The following GNG4 variants were observed in gnomAD, a reference collection of about 807,000 sequenced individuals.
GNG4 encodes guanine nucleotide-binding protein G(I)/G(S)/G(O) subunit gamma-4.
Under a neutral mutation model 5.8 loss-of-function variants are expected in GNG4, and 4 were observed. The ratio of observed to expected loss-of-function variants is 0.69; its 90% CI spans 0.34 to 1.57. The LOEUF (loss-of-function observed/expected upper bound fraction) is 1.57. Ranked by LOEUF, GNG4 falls within the 40% of genes most tolerant of loss-of-function variation. GNG4 has a pLI of 0.06. For missense variants in GNG4, 96 were observed against 95.1 expected (o/e 1.01, Z -0.04); for synonymous variants, 29 against 32.9 (o/e 0.88, Z 0.41).
At chr1:235,567,033 C>T (rs555511084) in intron 3 of GNG4, 13 of 152,084 alleles carry the variant, frequency 8.5e-5, no homozygotes, top group African/African-American at 3.1e-4. Context: ...CCTCTGTCTT[C>T]TGGGCTCAAG....
chr1:235,587,232 T>G (rs75699574), intron 2 of GNG4, among the ~76,000 whole-genome samples: 38 of 32,914 alleles, frequency 1.2e-3, no homozygotes, highest in East Asian at 4.3e-3. Context: ...TGAGTGTGAG[T>G]GTGTGAGGTG....
chr1:235,566,182 T>C (rs1464746327), intron 3 of GNG4: 1 of 152,098 alleles, frequency 6.6e-6, no homozygotes, highest in Non-Finnish European at 1.5e-5. Flanking sequence ...AAATCGTGAG[T>C]GTTCTGTCTT....
intron 1 of GNG4, among the ~76,000 whole-genome samples, chr1:235,602,823 G>C (rs902068572): frequency 6.6e-6 from 1 of 152,208 alleles, no homozygotes; most frequent in Admixed American, 6.5e-5. Flanking sequence ...TTCATCGTGA[G>C]CATTAAGATT....
At chr1:235,618,631 T>C (rs1273888435) in intron 1 of GNG4, among the ~76,000 whole-genome samples, 5 of 152,004 alleles carry the variant, frequency 3.3e-5, no homozygotes, top group African/African-American at 9.7e-5. Flanking sequence ...TACTGCTTCA[T>C]TGCCATTGCC....
At chr1:235,590,994 G>A (rs1687947482) in intron 2 of GNG4, among the ~76,000 whole-genome samples, 1 of 152,188 alleles carries the variant, frequency 6.6e-6, no homozygotes, top group South Asian at 2.1e-4. Flanking sequence ...TAGGGGCCGA[G>A]ATCCTGCGCT....
At chr1:235,555,679 T>TAAAA (rs59029355) in intron 3 of GNG4, among the ~76,000 whole-genome samples, 1 of 127,446 alleles carries the variant, frequency 7.8e-6, no homozygotes, top group Non-Finnish European at 1.6e-5. Context: ...ACCCTGTCTC[T>TAAAA]AAAAAAAAAA....
intron 2 of GNG4, among the ~76,000 whole-genome samples, chr1:235,584,172 C>T (rs867350270): frequency 6.6e-6 from 1 of 152,222 alleles, no homozygotes; most frequent in Non-Finnish European, 1.5e-5. Flanking sequence ...CTTGGACATT[C>T]GTATAGTGCT....
At chr1:235,583,168 G>A (rs1387029780) in intron 3 of GNG4, among the ~76,000 whole-genome samples, 1 of 152,162 alleles carries the variant, frequency 6.6e-6, no homozygotes, top group Non-Finnish European at 1.5e-5. Context: ...CACATGCTTT[G>A]CCTGGCCTTC....
intron 1 of GNG4, among the ~76,000 whole-genome samples, chr1:235,624,017 G>A (rs978161967): frequency 6.6e-6 from 1 of 152,172 alleles, no homozygotes; most frequent in Non-Finnish European, 1.5e-5. Context: ...CCTGGCCAGA[G>A]TACAGGTGAA....
At chr1:235,569,617 T>A (rs1200379011) in intron 3 of GNG4, among the ~76,000 whole-genome samples, 3 of 151,948 alleles carry the variant, frequency 2.0e-5, no homozygotes, top group African/African-American at 7.2e-5. Flanking sequence ...AGATTCCTCA[T>A]GACCTCTTTC....
intron 2 of GNG4, among the ~76,000 whole-genome samples, chr1:235,594,473 T>C (rs1236211658): frequency 3.3e-5 from 5 of 152,112 alleles, no homozygotes; most frequent in Non-Finnish European, 5.9e-5. Context: ...CTGGGTGCCA[T>C]GGAGCAGGGG....
At chr1:235,560,367 G>A (rs1331365579) in intron 3 of GNG4, among the ~76,000 whole-genome samples, 1 of 152,070 alleles carries the variant, frequency 6.6e-6, no homozygotes, top group Admixed American at 6.6e-5. Context: ...TAAAAGGATG[G>A]GTTTGGCCCC....
chr1:235,626,958 CAAAAAAAAAAAAAAAAAAAAAAA>C (rs776506587), intron 1 of GNG4, among the ~76,000 whole-genome samples: 20 of 77,396 alleles, frequency 2.6e-4, no homozygotes, highest in Middle Eastern at 6.6e-3. Flanking sequence ...GACTCTATCT[CAAAAAAAAAAAAAAAAAAAAAAA>C]AAAAAAAAAA....
chr1:235,630,253 T>C (rs1035019352), intron 1 of GNG4, among the ~76,000 whole-genome samples: 1 of 152,198 alleles, frequency 6.6e-6, no homozygotes, highest in East Asian at 1.9e-4. Context: ...CTGGTCATCT[T>C]TCTTCAAGAC....
chr1:235,637,758 C>T (rs1269577003), intron 1 of GNG4, among the ~76,000 whole-genome samples: 3 of 152,148 alleles, frequency 2.0e-5, no homozygotes, highest in Non-Finnish European at 4.4e-5. Context: ...GCTGCGGGCA[C>T]TTAACCAGAT....
intron 2 of GNG4, among the ~76,000 whole-genome samples, chr1:235,587,433 G>A (rs1185409089): frequency 1.4e-5 from 1 of 70,174 alleles, no homozygotes; most frequent in African/African-American, 6.1e-5. Context: ...TGTGTGTGAG[G>A]GTGGGTGAGC....
intron 2 of GNG4, among the ~76,000 whole-genome samples, chr1:235,593,010 G>A (rs1023916152): frequency 1.5e-4 from 22 of 150,022 alleles, no homozygotes; most frequent in African/African-American, 5.4e-4. Context: ...GTGCAGTGGT[G>A]CAATCTCTGC....
At chr1:235,553,029 G>A (rs576349435) in intron 3 of GNG4, among the ~76,000 whole-genome samples, 22 of 151,600 alleles carry the variant, frequency 1.5e-4, no homozygotes, top group African/African-American at 5.3e-4. Context: ...AAAGTGCTGG[G>A]ATTACAGGCA....
chr1:235,556,322 G>T (rs1262514283), intron 3 of GNG4, among the ~76,000 whole-genome samples: 1 of 151,748 alleles, frequency 6.6e-6, no homozygotes, highest in Non-Finnish European at 1.5e-5. Flanking sequence ...CACTTTGGGG[G>T]GCCGAGGCAG....
Sources: allele counts gnomAD v4.1 joint callset (sites outside exome capture counted in the v4.1 genomes callset), GRCh38; gene constraint gnomAD v4.1.1; transcripts MANE v1.5; gene names NCBI Gene and HGNC (gene_info 2026-07-23, HGNC 2026-07-21).